The following TMC2 variants were observed in gnomAD, a reference collection of about 807,000 sequenced individuals.
The protein encoded by TMC2 is transmembrane channel-like protein 2.
Under a neutral mutation model 105.9 loss-of-function variants are expected in TMC2, and 102 were observed. That is an observed-to-expected ratio of 0.96 (90% CI 0.82 to 1.14). TMC2 has a LOEUF of 1.14. TMC2 is among the 50% of genes most tolerant of loss of function. The pLI, the probability that TMC2 is intolerant of heterozygous loss-of-function variation, is 0.00. For missense variants in TMC2, 1,093 were observed against 1,134.3 expected (o/e 0.96, Z 0.52); for synonymous variants, 402 against 422.8 (o/e 0.95, Z 0.60).
At chr20:2,610,041 G>T (rs1297963245) in intron 11 of TMC2, among the ~76,000 whole-genome samples, 1 of 152,100 alleles carries the variant, frequency 6.6e-6, no homozygotes, top group Non-Finnish European at 1.5e-5. Context: ...TAGAGACGGG[G>T]TTTCACCATG....
intron 10 of TMC2, among the ~76,000 whole-genome samples, chr20:2,598,490 C>A (rs1600121622): frequency 6.6e-6 from 1 of 152,124 alleles, no homozygotes; most frequent in African/African-American, 2.4e-5. Flanking sequence ...TCTCAGCTCA[C>A]TGCAACCTCC....
intron 11 of TMC2, among the ~76,000 whole-genome samples, chr20:2,605,600 A>G (rs1216295718): frequency 6.6e-6 from 1 of 152,200 alleles, no homozygotes; most frequent in African/African-American, 2.4e-5. Flanking sequence ...CCCATCTCCA[A>G]ATAGTCACAT....
At chr20:2,623,530 T>C (rs2422804) in intron 16 of TMC2, among the ~76,000 whole-genome samples, 62,775 of 148,538 alleles carry the variant, frequency 0.42, 15,321 homozygotes, top group East Asian at 0.55. Flanking sequence ...AGAGTGAGAC[T>C]CCATCAAAAA....
chr20:2,610,280 C>T lies in TMC2; in HGVS notation c.1414-139C>T, dbSNP rs1371813417. 6 of 696,342 alleles carry T rather than the reference C, an allele frequency of 8.6e-6. No homozygotes were observed. In the African/African-American group the frequency reaches 9.1e-5, roughly 11 times the overall value. The allele number at this position is 696,342 out of a possible 1,614,324, so 43.1% of individuals were successfully genotyped here. ...GCCTTTGCCAGGGTCACACAGCAAG[C>T]TGTGTAGACCCCAGGGCATCTCCAG... On this transcript the variant is annotated intron_variant, in intron 11 of 19. Transcript: ENST00000358864.
At chr20:2,617,678 T>C (rs2073068017) in intron 16 of TMC2, 1 of 218,618 alleles carries the variant, frequency 4.6e-6, no homozygotes, top group Middle Eastern at 1.7e-3. Flanking sequence ...AATGATCAAA[T>C]CAGGGTAACT....
intron 10 of TMC2, among the ~76,000 whole-genome samples, chr20:2,599,073 T>C (rs2086330412): frequency 6.6e-6 from 1 of 151,846 alleles, no homozygotes; most frequent in Non-Finnish European, 1.5e-5. Context: ...TAAAAAGTAT[T>C]TTTAGTAGAG....
chr20:2,588,691 T>TTTTGTGTGTGTGTGTG (rs1555774326), intron 7 of TMC2, among the ~76,000 whole-genome samples: 1 of 143,480 alleles, frequency 7.0e-6, no homozygotes, highest in African/African-American at 2.7e-5. Flanking sequence ...GCATGTGTCT[T>TTTTGTGTGTGTGTGTG]TGTGTGTGTG....
chr20:2,580,407 C>T, intron 7 of TMC2, among the ~76,000 whole-genome samples: 1 of 152,126 alleles, frequency 6.6e-6, no homozygotes. Flanking sequence ...GTAGGTGAAT[C>T]TTACATTTTT....
intron 11 of TMC2, among the ~76,000 whole-genome samples, chr20:2,606,451 G>A (rs565284117): frequency 1.9e-3 from 288 of 152,214 alleles, no homozygotes; most frequent in Non-Finnish European, 3.2e-3. Flanking sequence ...GTAGAGACAG[G>A]GTTTCACCCT....
At chr20:2,605,712 A>G (rs1368325651) in intron 11 of TMC2, among the ~76,000 whole-genome samples, 2 of 152,178 alleles carry the variant, frequency 1.3e-5, no homozygotes, top group Admixed American at 6.5e-5. Context: ...GGACTTTTCC[A>G]TATTAGGAGG....
In TMC2 at chr20:2,558,169, T is replaced by G. The variant is rs2085996069; in HGVS notation, c.83-287T>G. The G allele has an allele frequency of 3.8e-6, 2 of 520,084 alleles. No individual in the cohort carries two copies. The highest frequency in any genetic ancestry group is 6.4e-6 in the Non-Finnish European group (2 of 313,704). The allele number at this position is 520,084 out of a possible 1,614,324, so 32.2% of individuals were successfully genotyped here. Reference sequence around the variant, plus strand: ...TCCTCTTGGCCTCTCTGTGTGACTTTCCTTTCCTTGGGTATAGGGCAGGAC... The same window carrying G: ...TCCTCTTGGCCTCTCTGTGTGACTTGCCTTTCCTTGGGTATAGGGCAGGAC... On this transcript the variant is annotated intron_variant, in intron 2 of 19. Transcript: ENST00000358864. This position sits in a 1 kb window ranked among gnomAD's most constrained non-coding sequence, Gnocchi z 4.6.
At chr20:2,546,860 C>T (rs1465706685) in intron 2 of TMC2, among the ~76,000 whole-genome samples, 1 of 152,014 alleles carries the variant, frequency 6.6e-6, no homozygotes, top group Non-Finnish European at 1.5e-5. Context: ...GACAATGAAA[C>T]TGATGGAAAA....
intron 18 of TMC2, 87 bp from the exon 19 acceptor site, chr20:2,637,387 C>A (rs369492306): frequency 1.9e-4 from 116 of 625,172 alleles, no homozygotes; most frequent in African/African-American, 4.5e-4. Context: ...GACTCTGTCT[C>A]AAAAAAAAAA....
intron 17 of TMC2, 36 bp downstream of exon 17, chr20:2,624,432 A>G: frequency 6.3e-7 from 1 of 1,593,444 alleles, no homozygotes; most frequent in Non-Finnish European, 8.6e-7. Context: ...CACCCCACGG[A>G]AACTTCTCCT....
At chr20:2,595,573 C>T (rs1489224245) in intron 9 of TMC2, among the ~76,000 whole-genome samples, 8 of 152,200 alleles carry the variant, frequency 5.3e-5, no homozygotes, top group Admixed American at 5.2e-4. Context: ...TTTAATATGT[C>T]TGTAACTCTT....
At chr20:2,542,956 G>T (rs1316348999) in intron 2 of TMC2, among the ~76,000 whole-genome samples, 5 of 151,910 alleles carry the variant, frequency 3.3e-5, no homozygotes, top group Non-Finnish European at 4.4e-5. Flanking sequence ...AAAATACAAG[G>T]CCAGGCATGG....
At chr20:2,613,638 C>A in intron 14 of TMC2, 4 of 355,794 alleles carry the variant, frequency 1.1e-5, no homozygotes, top group South Asian at 9.2e-5. Flanking sequence ...ATCTGAGCAG[C>A]CTCAACTCTC....
At chr20:2,562,498 C>A (rs11087484) in intron 4 of TMC2, among the ~76,000 whole-genome samples, 99,996 of 152,126 alleles carry the variant, frequency 0.66, 33,620 homozygotes, top group African/African-American at 0.8. Context: ...TGCCTGGCAC[C>A]AGGCCAAGCT....
chr20:2,597,086 A>G, intron 9 of TMC2, 65 bp from the exon 10 acceptor site: 8 of 1,566,462 alleles, frequency 5.1e-6, no homozygotes, highest in Admixed American at 3.4e-5. Flanking sequence ...GGCTAGGCCA[A>G]GGTTCCCTGG....
Sources: allele counts gnomAD v4.1 joint callset (sites outside exome capture counted in the v4.1 genomes callset), GRCh38; gene constraint gnomAD v4.1.1; non-coding constraint Gnocchi (gnomAD v3.1); transcripts MANE v1.5; gene names NCBI Gene and HGNC (gene_info 2026-07-23, HGNC 2026-07-21).